The following UMODL1 variants were observed in gnomAD, a reference collection of about 807,000 sequenced individuals.
The protein encoded by UMODL1 is uromodulin like 1.
In UMODL1, 128 loss-of-function variants were observed where a neutral mutation model predicts 136.3. The observed-to-expected ratio is 0.94, with a 90% CI of 0.81 to 1.09. UMODL1 has a LOEUF of 1.09. Among genes scored for constraint, UMODL1 ranks in the 50% least tolerant of loss-of-function variants. UMODL1 has a pLI of 0.00. For synonymous variants in UMODL1, 721 were observed against 720.0 expected (o/e 1.00, Z -0.02); for missense variants, 1,766 against 1,725.6 (o/e 1.02, Z -0.41).
At position 42,076,107 on chromosome 21, in the gene UMODL1, C is replaced by T; in HGVS notation, c.179C>T (p.Ser60Phe). 6.2e-7 allele frequency: 1 copy of T among 1,614,248 alleles called. No homozygotes were observed. Among genetic ancestry groups the T allele is most frequent in the Non-Finnish European group, 8.5e-7 (1 of 1,180,056 alleles). The change falls in exon 2 of 23, where the codon TCC becomes TTC. Residue 60 changes from serine to phenylalanine, a missense_variant. By Grantham distance (155) the Ser-to-Phe change is radical. Transcript: ENST00000408910. The stretch of plus-strand genomic sequence containing the variant: ...CAGACGTCCTACACGTCCTATGTGT[C>T]CTGCGGCGGCTGGATCCCCTGGAGG... ...AVQTSYTSYV[S>F]CGGWIPWRRC...
intron 14 of UMODL1, among the ~76,000 whole-genome samples, chr21:42,118,737 C>T (rs1323495688): frequency 6.6e-6 from 1 of 152,120 alleles, no homozygotes; most frequent in African/African-American, 2.4e-5. Context: ...GCCCCCTGCC[C>T]TCGGTGGCTG....
rs1043113445 is a variant in UMODL1 at position 42,099,956 on chromosome 21, G to A, written c.1186+776G>A. Among the ~76,000 whole-genome samples the A allele has an allele frequency of 1.3e-5, 2 of 152,148 alleles. No individual in the cohort carries two copies. Among genetic ancestry groups the A allele is most frequent in the Admixed American group, 6.5e-5 (1 of 15,278 alleles). On this transcript the variant is annotated intron_variant, in intron 7 of 22. Transcript: ENST00000408910. This position sits in a 1 kb window ranked among gnomAD's most constrained non-coding sequence, Gnocchi z 4.1. ...CAACTTTTGTCTCCAAAACACACAC[G>A]ACACACACATGAACTTGGGGCTTGT... is the stretch of plus-strand genomic sequence containing the variant.
intron 10 of UMODL1, among the ~76,000 whole-genome samples, chr21:42,110,459 C>T (rs2066804644): frequency 6.6e-6 from 1 of 152,214 alleles, no homozygotes; most frequent in African/African-American, 2.4e-5. Flanking sequence ...TTCTGTTTTT[C>T]TCATTCGCCT....
intron 6 of UMODL1, among the ~76,000 whole-genome samples, chr21:42,094,970 GCCAGC>G (rs576441569): frequency 7.6e-4 from 116 of 152,034 alleles, no homozygotes; most frequent in African/African-American, 2.5e-3. Context: ...AAATCAGGTT[GCCAGC>G]AGGGCTGTGC....
chr21:42,078,207 G>C (rs1601179313), intron 2 of UMODL1, among the ~76,000 whole-genome samples: 1 of 123,644 alleles, frequency 8.1e-6, no homozygotes, highest in African/African-American at 3.3e-5. Context: ...GGGGCCAGCT[G>C]ACCCCAGAGC....
chr21:42,072,719 C>A (rs762233403), intron 1 of UMODL1, among the ~76,000 whole-genome samples: 2 of 152,238 alleles, frequency 1.3e-5, no homozygotes, highest in African/African-American at 4.8e-5. Flanking sequence ...ATGACATGGG[C>A]GCAATCATGC....
upstream of UMODL1, among the ~76,000 whole-genome samples, chr21:42,067,644 C>G (rs1003655165): frequency 6.6e-6 from 1 of 152,208 alleles, no homozygotes; most frequent in African/African-American, 2.4e-5. Flanking sequence ...TCCACTGCCC[C>G]CCTGGCCTTA....
At chr21:42,071,209 C>A (rs1380845643), upstream of UMODL1, 8 of 1,205,680 alleles carry the variant, frequency 6.6e-6, no homozygotes, top group Non-Finnish European at 8.7e-6. Context: ...GACAGAAAGG[C>A]CGTTTCTCCA....
chr21:42,084,249 G>A lies in UMODL1; in HGVS notation c.481+4G>A. 6.2e-7 allele frequency: 1 copy of A among 1,612,890 alleles called. No homozygotes were observed. Among genetic ancestry groups the A allele is most frequent in the Non-Finnish European group, 8.5e-7 (1 of 1,179,744 alleles). On this transcript the variant is annotated splice_donor_region_variant and intron_variant, in intron 3 of 22. Transcript: ENST00000408910. ...TGCATGGCCCCTGCACCCCAAGGTA[G>A]GCTGCTGCGGGCCATGCTTATGGAC...
At chr21:42,115,811 A>C in intron 13 of UMODL1, 62 bp from the exon 14 acceptor site, 1 of 1,292,918 alleles carries the variant, frequency 7.7e-7, no homozygotes. Context: ...ATTAATATTG[A>C]AATGTTAGTC....
At chr21:42,070,217 A>C (rs1266484538), upstream of UMODL1, among the ~76,000 whole-genome samples, 2 of 152,354 alleles carry the variant, frequency 1.3e-5, no homozygotes, top group Admixed American at 6.5e-5. Context: ...ATGCTCCCGA[A>C]CCATGCAGCC....
At chr21:42,127,993 T>C (rs772567041) in intron 20 of UMODL1, 162 bp downstream of exon 20, 1 of 923,498 alleles carries the variant, frequency 1.1e-6, no homozygotes, top group South Asian at 1.4e-5. Flanking sequence ...GAAATGGTAT[T>C]TCCACGGCAG....
intron 19 of UMODL1, 27 bp downstream of exon 19, chr21:42,127,269 C>T (rs1328723257): frequency 1.9e-6 from 3 of 1,588,566 alleles, no homozygotes; most frequent in Non-Finnish European, 2.6e-6. Flanking sequence ...CAGGCACCCC[C>T]ATCCAGCAAT....
At chr21:42,117,436 C>T (rs1369591222) in intron 14 of UMODL1, among the ~76,000 whole-genome samples, 9 of 152,226 alleles carry the variant, frequency 5.9e-5, no homozygotes, top group Admixed American at 3.9e-4. Context: ...GCATTCCTCC[C>T]TGCCATCCCC....
intron 9 of UMODL1, among the ~76,000 whole-genome samples, chr21:42,105,797 G>C (rs2066707192): frequency 6.6e-6 from 1 of 152,188 alleles, no homozygotes; most frequent in Admixed American, 6.5e-5. Flanking sequence ...TTCGCCTCCG[G>C]AACGGCGGGA....
intron 9 of UMODL1, chr21:42,108,331 G>A (rs2066753180): frequency 1.9e-6 from 1 of 527,124 alleles, no homozygotes; most frequent in Admixed American, 2.0e-5. Context: ...CCCAGGAAGA[G>A]GTGTGGGTTG....
rs1442336497 is a variant in UMODL1 at position 42,113,813 on chromosome 21, A to G, written c.2345A>G (p.His782Arg). The G allele has an allele frequency of 2.5e-6, 4 of 1,613,558 alleles. No homozygotes were observed. The highest frequency in any genetic ancestry group is 1.7e-6 in the Non-Finnish European group (2 of 1,179,728). The change falls in exon 13 of 23, where the codon CAT (histidine) becomes CGT (arginine). Residue 782 changes from histidine to arginine, a missense_variant. Coordinates refer to ENST00000408910, the MANE Select transcript of UMODL1 (RefSeq NM_001004416.3). ...KACGKEGARAHLKVRTAARKL... is the reference protein window; with the variant it reads ...KACGKEGARARLKVRTAARKL... ...TGTGGGAAAGAAGGTGCCAGAGCTCATCTGAAAGTGAGGACAGGTAATGGG... is the reference window on the plus strand; with the variant it reads ...TGTGGGAAAGAAGGTGCCAGAGCTCGTCTGAAAGTGAGGACAGGTAATGGG...
At position 42,075,878 on chromosome 21, in the gene UMODL1, T is replaced by C. The variant is rs1042877696; in HGVS notation, c.77-127T>C. Reference sequence around the variant, plus strand: ...GTGGAGAGGGCTGGTGGGCAGCTTCTGAGAGGCCTGCGCGAGTGCGGGAGG... The same window carrying C: ...GTGGAGAGGGCTGGTGGGCAGCTTCCGAGAGGCCTGCGCGAGTGCGGGAGG... On this transcript the variant is annotated intron_variant, in intron 1 of 22. Coordinates refer to ENST00000408910, the MANE Select transcript of UMODL1 (RefSeq NM_001004416.3). The C allele has an allele frequency of 2.1e-6, 3 of 1,414,202 alleles. No individual in the cohort carries two copies. The Admixed American group carries it at 5.7e-5, about 27-fold the overall frequency. 87.6% of individuals were successfully genotyped at this position (1,414,202 alleles called of 1,614,324 possible). A position where few individuals can be genotyped will look rare whatever the true frequency, so the allele number is the denominator to read the frequency against.
chr21:42,064,389 C>T (rs1183502687), intron 1 of UMODL1, among the ~76,000 whole-genome samples: 1 of 152,174 alleles, frequency 6.6e-6, no homozygotes, highest in Non-Finnish European at 1.5e-5. Flanking sequence ...TGAACTGAAA[C>T]ATTACCTCTC....
Sources: gnomAD v4.1 joint callset for allele counts (sites outside exome capture counted in the v4.1 genomes callset) on GRCh38, gnomAD v4.1.1 for gene constraint, Gnocchi (gnomAD v3.1) non-coding constraint, MANE v1.5 for transcripts, NCBI Gene and HGNC (gene_info 2026-07-23, HGNC 2026-07-21) for gene names.